FAN1: variants seen among roughly 807,000 people sequenced by gnomAD.
The protein encoded by FAN1 is fanconi-associated nuclease 1.
FAN1 carries 91 observed loss-of-function variants against 104.9 expected under a neutral mutation model. The ratio of observed to expected loss-of-function variants is 0.87; its 90% confidence interval spans 0.73 to 1.03. The LOEUF is 1.03. Among genes scored for constraint, FAN1 ranks in the 50% least tolerant of loss-of-function variants. The pLI, the probability that FAN1 is intolerant of heterozygous loss-of-function variation, is 0.00. For missense variants in FAN1, 1,263 were observed against 1,239.9 expected, an observed-to-expected ratio of 1.02 and a Z score of -0.28; for synonymous variants, 478 against 457.6, an observed-to-expected ratio of 1.04 and a Z score of -0.57.
At chr15:30,937,347 T>C in intron 14 of FAN1, 88 bp downstream of exon 14, 1 of 1,267,418 alleles carries the variant, frequency 7.9e-7, no homozygotes. Context: ...TATCGTGCAT[T>C]ATAAACCTGA....
intron 14 of FAN1, chr15:30,941,043 T>C (rs2140983714): frequency 8.5e-7 from 1 of 1,178,548 alleles, no homozygotes; most frequent in Non-Finnish European, 1.1e-6. Flanking sequence ...GAAAAATACA[T>C]GAATACTTCC....
At chr15:30,932,491 A>G (rs2062738580) in intron 13 of FAN1, among the ~76,000 whole-genome samples, 1 of 152,122 alleles carries the variant, frequency 6.6e-6, no homozygotes, top group African/African-American at 2.4e-5. Context: ...TAGAATTAGT[A>G]TTATTCCCTA....
rs3794595 is a variant in FAN1, at chr15:30,911,064, G to A, written c.1577+249G>A. ...GAAGGCAATAGGCCTTTGGTAAATT[G>A]TAGTATTTTATTTTCCGAGAAAAAT... is the stretch of plus-strand genomic sequence containing the variant. On this transcript the variant is annotated intron_variant, in intron 4 of 14. Transcript: ENST00000362065. The A allele has an allele frequency of 9.0e-6, 11 of 1,226,696 alleles. No homozygotes were observed. In the East Asian group the frequency reaches 2.9e-4, roughly 32 times the overall value. 76.0% of individuals were successfully genotyped at this position (1,226,696 alleles called of 1,614,324 possible).
rs911858665 is a variant in FAN1, at chr15:30,905,871, T to C, written c.1208T>C (p.Ile403Thr). 4.3e-6 allele frequency: 7 copies of C among 1,613,050 alleles called. No homozygotes were observed. The highest frequency in any genetic ancestry group is 5.1e-6 in the Non-Finnish European group (6 of 1,179,216). ...MLLFDEQEKGIVTKFYQLSAT... is the reference protein window; with the variant it reads ...MLLFDEQEKGTVTKFYQLSAT... ...CTCTTTGATGAGCAGGAGAAGGGAA[T>C]TGTAACTAAATTTTATCAGTTATCA... The change falls in exon 2 of 15, where the codon ATT becomes ACT. Residue 403 changes from isoleucine to threonine, a missense_variant. Ile to Thr is a moderately conservative substitution (Grantham distance 89). Transcript: ENST00000362065.
At chr15:30,917,938 A>T (rs535319978) in intron 5 of FAN1, among the ~76,000 whole-genome samples, 1 of 152,244 alleles carries the variant, frequency 6.6e-6, no homozygotes, top group East Asian at 1.9e-4. Flanking sequence ...ATGTTATGTG[A>T]TAATACAGCA....
At position 30,905,217 on chromosome 15, in the gene FAN1, A is replaced by C. The variant is rs779675652; in HGVS notation, c.554A>C (p.Lys185Thr). 3.7e-6 allele frequency: 6 copies of C among 1,613,934 alleles called. No homozygotes were observed. The Admixed American group carries it at 6.7e-5, about 18-fold the overall frequency. Residue 185 changes from lysine to threonine, a missense_variant, in exon 2 of 15, where the codon AAA becomes ACA. Coordinates refer to ENST00000362065, the MANE Select transcript of FAN1 (RefSeq NM_014967.5). ...GCCGGTTCTAGTCCACAGAGTTCCA[A>C]ATCCACAGTTGTTAAGAGCCTGATT... is the stretch of plus-strand genomic sequence containing the variant. ...EFAGSSPQSS[K>T]STVVKSLIDN...
In FAN1 at chr15:30,905,686, G is replaced by C; in HGVS notation, c.1023G>C (p.Leu341=). ...GGAGTAACATCCAAGAGGCTCCTCT[G>C]CAGGATGACAGTTGCTTAAACAATG... The part of the protein sequence containing the change: ...SAWSNIQEAP[L]QDDSCLNNDI... Residue 341 remains leucine, a synonymous_variant, in exon 2 of 15, where the codon CTG becomes CTC. Coordinates refer to ENST00000362065, the MANE Select transcript of FAN1 (RefSeq NM_014967.5). The C allele has an allele frequency of 1.2e-6, 2 of 1,614,160 alleles. No homozygotes were observed. Among genetic ancestry groups the C allele is most frequent in the Non-Finnish European group, 1.7e-6 (2 of 1,180,002 alleles).
intron 6 of FAN1, 54 bp from the exon 7 acceptor site, chr15:30,920,491 T>G (rs2062301498): frequency 2.7e-6 from 3 of 1,109,856 alleles, no homozygotes; most frequent in Non-Finnish European, 4.1e-6. Context: ...GTTATTATTG[T>G]CTTATAATAA....
intron 4 of FAN1, chr15:30,911,759 A>C: frequency 1.0e-6 from 1 of 961,470 alleles, no homozygotes; most frequent in Non-Finnish European, 1.2e-6. Flanking sequence ...TAAGCAAGTA[A>C]ACATTAAATT....
intron 3 of FAN1, among the ~76,000 whole-genome samples, chr15:30,910,192 C>G (rs942738890): frequency 6.6e-6 from 1 of 152,200 alleles, no homozygotes; most frequent in East Asian, 1.9e-4. Flanking sequence ...AACAGGCTCA[C>G]GAATGCCGAG....
rs571559856 is a variant in FAN1, at chr15:30,941,360, A to G, written c.*4-206A>G. ...TTAAATATTAGTGCAAATTCCAACT[A>G]TTATTCTTACATATAAAGTTATTAG... On this transcript the variant is annotated intron_variant, in intron 14 of 14. Coordinates refer to ENST00000362065, the MANE Select transcript of FAN1 (RefSeq NM_014967.5). The G allele has an allele frequency of 2.0e-6, 3 of 1,537,766 alleles. No homozygotes were observed. In the South Asian group the frequency reaches 3.6e-5, roughly 19 times the overall value.
chr15:30,907,309 T>G (rs9920496), intron 2 of FAN1, among the ~76,000 whole-genome samples: 152,148 of 152,150 alleles, frequency 1, 76,073 homozygotes, highest in Middle Eastern at 1. Context: ...CCTGAGGTCA[T>G]GAGTTCCAGA....
chr15:30,939,650 A>G (rs959918737), intron 14 of FAN1: 2 of 453,512 alleles, frequency 4.4e-6, no homozygotes, highest in Non-Finnish European at 5.2e-6. Context: ...AAAATACTAC[A>G]AGAGTTAAAA....
At chr15:30,934,904 CAT>C (rs749313593) in intron 13 of FAN1, among the ~76,000 whole-genome samples, 2 of 152,120 alleles carry the variant, frequency 1.3e-5, no homozygotes, top group Non-Finnish European at 2.9e-5. Context: ...TGTTCTATAA[CAT>C]ATTATTTTTG....
intron 8 of FAN1, 32 bp from the exon 9 acceptor site, chr15:30,925,095 G>A (rs1424913818): frequency 1.9e-6 from 3 of 1,562,322 alleles, no homozygotes; most frequent in Non-Finnish European, 2.6e-6. Context: ...GGTTTTTTTA[G>A]GAGCCTGATG....
Position 30,905,363 on chromosome 15 carries a change from A to G in FAN1, c.700A>G (p.Ser234Gly). 6.2e-7 allele frequency: 1 copy of G among 1,614,084 alleles called. No homozygotes were observed. The highest frequency in any genetic ancestry group is 8.5e-7 in the Non-Finnish European group (1 of 1,179,998). Residue 234 changes from serine to glycine, a missense_variant, in exon 2 of 15, where the codon AGT (serine) becomes GGT (glycine). Transcript: ENST00000362065. ...CATTCCTGAACATATGGTAAGAGGA[A>G]GTAAAATAATGGAAGCCGAAAGCCA... ...ECIPEHMVRG[S>G]KIMEAESQKA...
At chr15:30,912,647 C>T (rs2062122873) in intron 4 of FAN1, among the ~76,000 whole-genome samples, 1 of 152,198 alleles carries the variant, frequency 6.6e-6, no homozygotes, top group Non-Finnish European at 1.5e-5. Flanking sequence ...GGTTTAATAG[C>T]TTCTGCACCA....
Position 30,905,325 on chromosome 15 carries a change from T to C in FAN1, c.662T>C (p.Leu221Pro), listed in dbSNP as rs759574299. 2 of 1,613,900 alleles carry C rather than the reference T, an allele frequency of 1.2e-6. No individual in the cohort carries two copies. Among genetic ancestry groups the C allele is most frequent in the South Asian group, 1.1e-5 (1 of 91,070 alleles). ...QKENVFKCDS[L>P]KEECIPEHMV... The stretch of plus-strand genomic sequence containing the variant: ...GAAAACGTGTTTAAATGTGATTCTC[T>C]AAAGGAAGAGTGCATTCCTGAACAT... The change falls in exon 2 of 15, where the codon CTA becomes CCA. Residue 221 changes from leucine (L) to proline (P), a missense_variant. This residue lies in a region of FAN1 where 682 missense variants were observed against 571.1 expected (regional missense o/e 1.19). Transcript: ENST00000362065.
chr15:30,922,501 C>T, intron 8 of FAN1, 147 bp downstream of exon 8: 1 of 860,318 alleles, frequency 1.2e-6, no homozygotes, highest in Non-Finnish European at 1.8e-6. Flanking sequence ...GTTCTTCCAA[C>T]CCCAAAAGAA....
Sources: allele counts gnomAD v4.1 joint callset (sites outside exome capture counted in the v4.1 genomes callset), GRCh38; gene constraint gnomAD v4.1.1; regional missense constraint gnomAD v4.1.1; transcripts MANE v1.5; gene names NCBI Gene and HGNC (gene_info 2026-07-23, HGNC 2026-07-21).